The following SLC35A1 variants were observed in gnomAD, a reference collection of about 807,000 sequenced individuals.
The protein encoded by SLC35A1 is CMP-sialic acid transporter.
SLC35A1 carries 21 observed loss-of-function variants against 40.3 expected under a neutral mutation model. The observed-to-expected ratio is 0.52, with a 90% CI of 0.37 to 0.75. SLC35A1 has a LOEUF of 0.75. SLC35A1 is among the 30% of genes least tolerant of loss of function. The pLI, the probability that SLC35A1 is intolerant of heterozygous loss-of-function variation, is 0.00. For synonymous variants in SLC35A1, 146 were observed against 147.3 expected (o/e 0.99, Z 0.06); for missense variants, 297 against 382.1 (o/e 0.78, Z 1.86).
intron 2 of SLC35A1, among the ~76,000 whole-genome samples, chr6:87,480,237 G>A (rs1769206975): frequency 6.6e-6 from 1 of 152,232 alleles, no homozygotes; most frequent in Non-Finnish European, 1.5e-5. Flanking sequence ...CTTGGGGGCT[G>A]ACCTGCAGGG....
Position 87,511,437 on chromosome 6 carries a change from T to G in SLC35A1, c.925T>G (p.Ser309Ala). Residue 309 changes from serine (S) to alanine (A), a missense_variant, in exon 8 of 8, where the codon TCC becomes GCC. Physicochemically the swap from Ser to Ala is moderately conservative, Grantham distance 99 (BLOSUM62 1). Transcript: ENST00000369552. ...CCTGGGTACTCTTCTTGTATGTGTTTCCATATATCTCTATGGATTACCCAG... is the reference window on the plus strand; with the variant it reads ...CCTGGGTACTCTTCTTGTATGTGTTGCCATATATCTCTATGGATTACCCAG... ...FALGTLLVCV[S>A]IYLYGLPRQD... is the part of the protein sequence containing the mutation. 6.2e-7 allele frequency: 1 copy of G among 1,613,866 alleles called. No individual in the cohort carries two copies. The highest frequency in any genetic ancestry group is 1.1e-5 in the South Asian group (1 of 91,074).
At chr6:87,503,350 G>C (rs1036925532) in intron 4 of SLC35A1, among the ~76,000 whole-genome samples, 2 of 152,128 alleles carry the variant, frequency 1.3e-5, no homozygotes, top group Non-Finnish European at 1.5e-5. Flanking sequence ...CTGGCAAGTT[G>C]GTATTGGTTG....
chr6:87,483,457 C>T (rs9450712), intron 2 of SLC35A1, among the ~76,000 whole-genome samples: 90,848 of 151,938 alleles, frequency 0.6, 27,916 homozygotes, highest in African/African-American at 0.73. Flanking sequence ...TCTCACCTCA[C>T]TGAGGTTCAA....
intron 2 of SLC35A1, among the ~76,000 whole-genome samples, chr6:87,483,517 A>G (rs939009451): frequency 1.3e-5 from 2 of 152,094 alleles, no homozygotes; most frequent in African/African-American, 4.8e-5. Context: ...ACCCCTCGTA[A>G]TGGGGATTTC....
At chr6:87,476,949 G>A (rs183759525) in intron 1 of SLC35A1, among the ~76,000 whole-genome samples, 284 of 152,188 alleles carry the variant, frequency 1.9e-3, no homozygotes, top group African/African-American at 6.6e-3. Context: ...AACCTGGGAG[G>A]TGGAGGTTGC....
intron 2 of SLC35A1, among the ~76,000 whole-genome samples, chr6:87,493,592 T>A (rs1769625269): frequency 6.6e-6 from 1 of 152,200 alleles, no homozygotes; most frequent in Non-Finnish European, 1.5e-5. Context: ...ATGGTGAGGA[T>A]TCTAGCTCCC....
intron 2 of SLC35A1, among the ~76,000 whole-genome samples, chr6:87,499,849 C>T (rs944623888): frequency 2.0e-5 from 3 of 152,220 alleles, no homozygotes; most frequent in African/African-American, 4.8e-5. Flanking sequence ...GGTGCAGTGG[C>T]TCACGCCTGT....
At chr6:87,499,167 GT>G in intron 2 of SLC35A1, 1 of 958,972 alleles carries the variant, frequency 1.0e-6, no homozygotes, top group African/African-American at 1.8e-5. Context: ...ATAGGCACAG[GT>G]TAGTCAATTT....
chr6:87,493,109 C>G (rs1333839283), intron 2 of SLC35A1, among the ~76,000 whole-genome samples: 1 of 152,084 alleles, frequency 6.6e-6, no homozygotes, highest in Non-Finnish European at 1.5e-5. Flanking sequence ...CTTTCTCTCC[C>G]TCTTTGTATT....
chr6:87,501,082 A>C, intron 3 of SLC35A1, 76 bp from the exon 4 acceptor site: 1 of 1,317,074 alleles, frequency 7.6e-7, no homozygotes, highest in Non-Finnish European at 1.1e-6. Context: ...TAATTTTATC[A>C]ATGATACCAG....
intron 2 of SLC35A1, among the ~76,000 whole-genome samples, chr6:87,491,422 T>C (rs963173426): frequency 2.0e-5 from 3 of 152,218 alleles, no homozygotes; most frequent in African/African-American, 7.2e-5. Flanking sequence ...AGAAAGTAAT[T>C]GACAATGACA....
chr6:87,486,061 C>T (rs867478908), intron 2 of SLC35A1, among the ~76,000 whole-genome samples: 5 of 152,182 alleles, frequency 3.3e-5, no homozygotes, highest in Non-Finnish European at 7.3e-5. Context: ...AAGTATTATA[C>T]TAGAACTTCA....
intron 1 of SLC35A1, among the ~76,000 whole-genome samples, chr6:87,473,254 A>C (rs978716958): frequency 6.6e-6 from 1 of 152,086 alleles, no homozygotes; most frequent in Non-Finnish European, 1.5e-5. Context: ...GGAGTCAGAG[A>C]CCGCACTGAC....
intron 2 of SLC35A1, among the ~76,000 whole-genome samples, chr6:87,481,630 A>ATATCACCT (rs1769248487): frequency 6.6e-6 from 1 of 152,212 alleles, no homozygotes; most frequent in African/African-American, 2.4e-5. Flanking sequence ...GTGTATTATT[A>ATATCACCT]ATATTAAACT....
rs1422512242 is a variant in SLC35A1 at position 87,473,090 on chromosome 6, G to T, written c.16+71G>T. 3 of 427,372 alleles carry T rather than the reference G, an allele frequency of 7.0e-6. No individual in the cohort carries two copies. The Admixed American group carries it at 1.3e-4, about 19-fold the overall frequency. 26.5% of individuals were successfully genotyped at this position (427,372 alleles called of 1,614,324 possible). A position where few individuals can be genotyped will look rare whatever the true frequency, so the allele number is the denominator to read the frequency against. ...GGCGGGCGAGCATCTGCGCTGGTCA[G>T]CCCCTGTCGGGCAGCGGAGCACCCT... is the stretch of plus-strand genomic sequence containing the variant. On this transcript the variant is annotated intron_variant, in intron 1 of 7. Coordinates refer to ENST00000369552, the MANE Select transcript of SLC35A1 (RefSeq NM_006416.5).
intron 2 of SLC35A1, among the ~76,000 whole-genome samples, chr6:87,500,229 T>A (rs1361796289): frequency 3.3e-5 from 5 of 152,236 alleles, no homozygotes; most frequent in African/African-American, 1.2e-4. Context: ...ACAGTTTTCC[T>A]AATCTCATTA....
intron 2 of SLC35A1, among the ~76,000 whole-genome samples, chr6:87,490,742 A>G (rs1769527153): frequency 6.6e-6 from 1 of 152,226 alleles, no homozygotes; most frequent in African/African-American, 2.4e-5. Context: ...ATTGCTATAA[A>G]TTTAAAATGC....
intron 5 of SLC35A1, 60 bp downstream of exon 5, chr6:87,506,508 A>G: frequency 7.9e-7 from 1 of 1,269,976 alleles, no homozygotes; most frequent in Non-Finnish European, 1.2e-6. Context: ...ATCAAACTTT[A>G]GACACCAGTC....
chr6:87,511,491 G>C lies in SLC35A1; in HGVS notation c.979G>C (p.Glu327Gln). 1 of 1,613,900 alleles carries C rather than the reference G, an allele frequency of 6.2e-7. No individual in the cohort carries two copies. The highest frequency in any genetic ancestry group is 8.5e-7 in the Non-Finnish European group (1 of 1,179,980). The stretch of plus-strand genomic sequence containing the variant: ...AGACACTACATCCATCCAACAAGGA[G>C]AAACAGCTTCAAAGGAGAGAGTTAT... Reference protein sequence around the residue: ...RQDTTSIQQGETASKERVIGV With the variant: ...RQDTTSIQQGQTASKERVIGV The change falls in exon 8 of 8, where the codon GAA (glutamate) becomes CAA (glutamine). Residue 327 changes from glutamate (E) to glutamine (Q), a missense_variant. Physicochemically the swap from Glu to Gln is conservative, Grantham distance 29. Transcript: ENST00000369552.
Sources: allele counts gnomAD v4.1 joint callset (sites outside exome capture counted in the v4.1 genomes callset), GRCh38; gene constraint gnomAD v4.1.1; transcripts MANE v1.5; gene names NCBI Gene and HGNC (gene_info 2026-07-23, HGNC 2026-07-21).